The following PRKN variants were observed in gnomAD, a reference collection of about 807,000 sequenced individuals.
PRKN encodes parkin RBR E3 ubiquitin protein ligase, also known as E3 ubiquitin-protein ligase parkin.
Under a neutral mutation model 59.5 loss-of-function variants are expected in PRKN, and 56 were observed. That is an observed-to-expected ratio of 0.94 (90% CI 0.76 to 1.18). The LOEUF (loss-of-function observed/expected upper bound fraction) is 1.18. PRKN is among the 50% of genes most tolerant of loss of function. The probability of loss-of-function intolerance (pLI) is 0.00; values close to 1 mark genes in which losing one functional copy is unlikely to be tolerated. For synonymous variants in PRKN, 250 were observed against 222.1 expected (o/e 1.13, Z -1.12); for missense variants, 657 against 596.4 (o/e 1.10, Z -1.06).
chr6:161,897,887 A>G (rs1281241736), intron 6 of PRKN, among the ~76,000 whole-genome samples: 5 of 141,626 alleles, frequency 3.5e-5, no homozygotes, highest in Non-Finnish European at 7.5e-5. Flanking sequence ...GAATGGCGTG[A>G]ACCCGGGAGG....
intron 2 of PRKN, among the ~76,000 whole-genome samples, chr6:162,355,208 T>C (rs1784799315): frequency 6.6e-6 from 1 of 151,448 alleles, no homozygotes; most frequent in Admixed American, 6.6e-5. Flanking sequence ...AATTTAATTA[T>C]AGGTGTTTGA....
At chr6:162,000,181 G>A (rs900880011) in intron 5 of PRKN, among the ~76,000 whole-genome samples, 4 of 152,028 alleles carry the variant, frequency 2.6e-5, no homozygotes, top group East Asian at 1.9e-4. Context: ...TTGCTGGATC[G>A]TATGGTAAGA....
chr6:161,724,338 T>C (rs1185175064), intron 7 of PRKN, among the ~76,000 whole-genome samples: 1 of 152,252 alleles, frequency 6.6e-6, no homozygotes, highest in Non-Finnish European at 1.5e-5. Context: ...GCAGAAAAGC[T>C]TATGTATGGA....
intron 6 of PRKN, among the ~76,000 whole-genome samples, chr6:161,815,489 T>G (rs2128214668): frequency 6.6e-6 from 1 of 152,362 alleles, no homozygotes; most frequent in East Asian, 1.9e-4. Context: ...AAAAGTGCCT[T>G]ATCAGACTTT....
At chr6:162,113,443 G>T (rs986584608) in intron 4 of PRKN, among the ~76,000 whole-genome samples, 1 of 152,158 alleles carries the variant, frequency 6.6e-6, no homozygotes, top group Non-Finnish European at 1.5e-5. Flanking sequence ...TATGAAAAGA[G>T]AATCTTCTTA....
Position 161,354,087 on chromosome 6 carries a change from A to G in PRKN, c.1286-3876T>C, listed in dbSNP as rs1050172329. On this transcript the variant is annotated intron_variant, in intron 11 of 11. Transcript: ENST00000366898. This position sits in a 1 kb window ranked among gnomAD's most constrained non-coding sequence, Gnocchi z 6.7. ...ATTGTAAATGATATCTTGGTACAGA[A>G]GCTAGAATTACAATGGCCTGGTACA... 3.9e-5 allele frequency among the ~76,000 whole-genome samples: 6 copies of G among 152,248 alleles called. No individual in the cohort carries two copies. Among genetic ancestry groups the G allele is most frequent in the African/African-American group, 1.4e-4 (6 of 41,472 alleles).
In PRKN at chr6:161,423,055, C is replaced by T. The variant is rs377037152; in HGVS notation, c.1084-36178G>A. 3.3e-5 allele frequency among the ~76,000 whole-genome samples: 5 copies of T among 152,228 alleles called. No homozygotes were observed. The East Asian group carries it at 5.8e-4, about 18-fold the overall frequency. On this transcript the variant is annotated intron_variant, in intron 9 of 11. Coordinates refer to ENST00000366898, the MANE Select transcript of PRKN (RefSeq NM_004562.3). This position sits in a 1 kb window ranked among gnomAD's most constrained non-coding sequence, Gnocchi z 5.9. ...TATAAATCCATTTACATGTCAGTATCGTAGTGAGAAATGCACGCACTATGA... is the reference window on the plus strand; with the variant it reads ...TATAAATCCATTTACATGTCAGTATTGTAGTGAGAAATGCACGCACTATGA...
chr6:161,941,422 G>A (rs1779562433), intron 6 of PRKN, among the ~76,000 whole-genome samples: 1 of 152,190 alleles, frequency 6.6e-6, no homozygotes, highest in East Asian at 1.9e-4. Context: ...TGAGCAGCCC[G>A]ACTCCAGGTG....
rs1394942089 is a variant in PRKN, at chr6:161,400,079, AC to A, written c.1084-13203del. Among the ~76,000 whole-genome samples, 10 of 152,042 alleles carry A rather than the reference AC, an allele frequency of 6.6e-5. No individual in the cohort carries two copies. On this transcript the variant is annotated intron_variant, in intron 9 of 11. Transcript: ENST00000366898. The surrounding 1 kb of genome is among the most constrained non-coding windows in gnomAD (Gnocchi z 4.2). ...CCTATTCTATGGGCTCAGGAGCCTC[AC>A]GTGGGCACCATGTTGGACAGGAGCC...
intron 6 of PRKN, among the ~76,000 whole-genome samples, chr6:161,867,594 G>A (rs942578453): frequency 5.9e-5 from 9 of 152,090 alleles, no homozygotes; most frequent in African/African-American, 2.2e-4. Flanking sequence ...TAATGATGAT[G>A]TCTGTTTAGA....
At chr6:162,336,250 A>C (rs1165638826) in intron 2 of PRKN, among the ~76,000 whole-genome samples, 1 of 152,158 alleles carries the variant, frequency 6.6e-6, no homozygotes, top group Admixed American at 6.6e-5. Flanking sequence ...TACAAGTATA[A>C]AATGTTCATA....
intron 7 of PRKN, among the ~76,000 whole-genome samples, chr6:161,732,906 T>C (rs1787782873): frequency 6.6e-6 from 1 of 152,226 alleles, no homozygotes; most frequent in Non-Finnish European, 1.5e-5. Context: ...GAGAATTTTC[T>C]AGGGACAAAT....
At chr6:162,686,130 T>C (rs530288534) in intron 1 of PRKN, among the ~76,000 whole-genome samples, 12 of 152,224 alleles carry the variant, frequency 7.9e-5, no homozygotes, top group African/African-American at 2.6e-4. Context: ...TAATACAAAA[T>C]GGTGACATGA....
intron 9 of PRKN, among the ~76,000 whole-genome samples, chr6:161,412,788 CCTCACTCATTCCTTCA>C (rs1426682505): frequency 4.0e-5 from 6 of 150,246 alleles, no homozygotes; most frequent in Non-Finnish European, 7.4e-5. Context: ...CTCATTCCTT[CCTCACTCATTCCTTCA>C]CTCACTCATT....
At chr6:162,373,703 A>G (rs986586635) in intron 2 of PRKN, among the ~76,000 whole-genome samples, 14 of 152,312 alleles carry the variant, frequency 9.2e-5, no homozygotes, top group African/African-American at 3.4e-4. Flanking sequence ...TCCTGGTGAC[A>G]TAGAAGAACA....
At chr6:161,675,729 A>G (rs1418689108) in intron 7 of PRKN, among the ~76,000 whole-genome samples, 1 of 152,078 alleles carries the variant, frequency 6.6e-6, no homozygotes, top group Admixed American at 6.5e-5. Context: ...CCTTTACATC[A>G]TGACCTGTAG....
intron 4 of PRKN, among the ~76,000 whole-genome samples, chr6:162,068,053 C>T (rs1203219613): frequency 1.3e-5 from 2 of 152,142 alleles, no homozygotes; most frequent in African/African-American, 2.4e-5. Flanking sequence ...ATTTTCCTAT[C>T]TGGTGGGTAG....
intron 1 of PRKN, among the ~76,000 whole-genome samples, chr6:162,675,517 C>T (rs537244270): frequency 6.6e-4 from 100 of 152,194 alleles, no homozygotes; most frequent in Admixed American, 1.4e-3. Flanking sequence ...AAGGGGACAG[C>T]ATTTGAAGTC....
rs74602765 is a variant in PRKN, at chr6:161,993,562, G to A, written c.619-20145C>T. On this transcript the variant is annotated intron_variant, in intron 5 of 11. Coordinates refer to ENST00000366898, the MANE Select transcript of PRKN (RefSeq NM_004562.3). The stretch of plus-strand genomic sequence containing the variant: ...AATTCTTAAACTATTTCAAAAAGGT[G>A]AAGAGGAAGAGATTCTTCCTAATGC... Among the ~76,000 whole-genome samples, 115 of 152,304 alleles carry A rather than the reference G, an allele frequency of 7.6e-4. 1 individual carries two copies. In the East Asian group the frequency reaches 0.02, roughly 27 times the overall value.
Sources: gnomAD v4.1 joint callset for allele counts (sites outside exome capture counted in the v4.1 genomes callset) on GRCh38, gnomAD v4.1.1 for gene constraint, Gnocchi (gnomAD v3.1) non-coding constraint, MANE v1.5 for transcripts, NCBI Gene and HGNC (gene_info 2026-07-23, HGNC 2026-07-21) for gene names.